SEPTIN6: variants seen among roughly 807,000 people sequenced by gnomAD.
SEPTIN6 encodes septin-6.
In SEPTIN6, 8 loss-of-function variants were observed where a neutral mutation model predicts 33.6. The observed-to-expected ratio is 0.24, with a 90% CI of 0.14 to 0.43. The LOEUF (loss-of-function observed/expected upper bound fraction) is 0.43. Ranked by LOEUF, SEPTIN6 falls within the 20% of genes least tolerant of loss-of-function variation. The probability of loss-of-function intolerance (pLI) is 1.00; values close to 1 mark genes in which losing one functional copy is unlikely to be tolerated. For synonymous variants in SEPTIN6, 131 were observed against 140.0 expected (o/e 0.94, Z 0.45); for missense variants, 250 against 340.8 (o/e 0.73, Z 2.10).
At position 119,672,492 on chromosome X, in the gene SEPTIN6, A is replaced by C. The variant is rs537211425; in HGVS notation, c.145+3062T>G. Among the ~76,000 whole-genome samples, 11 of 111,799 alleles carry C rather than the reference A, an allele frequency of 9.8e-5. 1 individual carries two copies. The highest frequency in any genetic ancestry group is 5.6e-4 in the East Asian group (2 of 3,581). On this transcript the variant is annotated intron_variant, in intron 2 of 10. Transcript: ENST00000394610. ...CCCTCAGAGATCCATTTCAATTCAC[A>C]TGGCCTCCCTCCTAAAGCTTTACTA...
At chrX:119,629,926 C>T (rs1028027697) in intron 8 of SEPTIN6, among the ~76,000 whole-genome samples, 3 of 111,361 alleles carry the variant, frequency 2.7e-5, no homozygotes, top group South Asian at 7.6e-4. Context: ...TCGACACCAG[C>T]CTGGCCAACA....
chrX:119,624,145 T>G (rs777169687), intron 10 of SEPTIN6: 40 of 51,423 alleles, frequency 7.8e-4, no homozygotes, highest in Admixed American at 3.7e-3. Context: ...TTATTATGGG[T>G]TTTTTTTTTT....
intron 1 of SEPTIN6, among the ~76,000 whole-genome samples, chrX:119,676,235 G>A (rs923485073): frequency 9.0e-6 from 1 of 111,563 alleles, no homozygotes; most frequent in Non-Finnish European, 1.9e-5. Context: ...GCCAAGGCGG[G>A]GGGGATCACT....
At chrX:119,690,458 C>T (rs1603353771) in intron 1 of SEPTIN6, among the ~76,000 whole-genome samples, 1 of 109,987 alleles carries the variant, frequency 9.1e-6, no homozygotes, top group East Asian at 2.8e-4. Context: ...GGAGCAGTGG[C>T]TCATGCCTGT....
rs6603539 is a variant in SEPTIN6 at position 119,649,918 on chromosome X, G to A, written c.690+19C>T. On this transcript the variant is annotated intron_variant, in intron 5 of 10. Transcript: ENST00000394610. ...AATCATCATAAAAAGCAAATGGTCA[G>A]GAAATTGCTCCCACTCACGTTCATG... is the stretch of plus-strand genomic sequence containing the variant. 184,846 of 1,196,978 alleles carry A rather than the reference G, an allele frequency of 0.15. 15,592 individuals are homozygous for A. The highest frequency in any genetic ancestry group is 0.63 in the African/African-American group (35,774 of 56,451).
Position 119,625,394 on chromosome X carries a change from G to A in SEPTIN6, c.1281-15C>T, listed in dbSNP as rs933123594. Reference sequence around the variant, plus strand: ...AGCAGAGTTAACTGTAAAACAGTAAGAGCTGATGAAGATGGAGTGAGCATG... The same window carrying A: ...AGCAGAGTTAACTGTAAAACAGTAAAAGCTGATGAAGATGGAGTGAGCATG... On this transcript the variant is annotated splice_polypyrimidine_tract_variant and intron_variant, in intron 9 of 10. Transcript: ENST00000394610. 8.3e-7 allele frequency: 1 copy of A among 1,199,308 alleles called. No individual in the cohort carries two copies. The highest frequency in any genetic ancestry group is 3.0e-5 in the East Asian group (1 of 33,739).
At chrX:119,656,881 G>A (rs949774890) in intron 3 of SEPTIN6, among the ~76,000 whole-genome samples, 11 of 108,223 alleles carry the variant, frequency 1.0e-4, no homozygotes, top group East Asian at 2.9e-4. Flanking sequence ...GTGAGACTCC[G>A]TCTCAAAAAA....
chrX:119,669,038 C>T (rs903564828), intron 2 of SEPTIN6, among the ~76,000 whole-genome samples: 1 of 111,774 alleles, frequency 8.9e-6, no homozygotes, highest in East Asian at 2.8e-4. Context: ...ATACAATGTT[C>T]GGTTTTCCAT....
At chrX:119,663,457 T>TTCCCCCCC in intron 3 of SEPTIN6, 25 bp downstream of exon 3, 2 of 408,402 alleles carry the variant, frequency 4.9e-6, no homozygotes. Context: ...CTCCCCACCC[T>TTCCCCCCC]ACCCCACCCC....
At chrX:119,667,429 C>T (rs2054661990) in intron 2 of SEPTIN6, among the ~76,000 whole-genome samples, 2 of 111,319 alleles carry the variant, frequency 1.8e-5, no homozygotes, top group African/African-American at 6.5e-5. Flanking sequence ...GGCACAAAAG[C>T]GCTGTGGAAA....
rs765918846 is a variant in SEPTIN6 at position 119,637,049 on chromosome X, C to T, written c.934G>A (p.Asp312Asn). The T allele has an allele frequency of 1.7e-6, 2 of 1,210,905 alleles. No homozygotes were observed. The highest frequency in any genetic ancestry group is 1.1e-6 in the Non-Finnish European group (1 of 895,242). Reference sequence around the variant, plus strand: ...TACCTGAAGGGTTTGCTGTCAGGGTCGGTGTCCTTGAAGCCCATCTCCTCC... The same window carrying T: ...TACCTGAAGGGTTTGCTGTCAGGGTTGGTGTCCTTGAAGCCCATCTCCTCC... The part of the protein sequence containing the change: ...KLEEMGFKDT[D>N]PDSKPFSLQE... The change falls in exon 7 of 11, where the codon GAC (aspartate) becomes AAC (asparagine). Residue 312 changes from aspartate to asparagine, a missense_variant. Coordinates refer to ENST00000394610, the MANE Select transcript of SEPTIN6 (RefSeq NM_145799.4).
chrX:119,664,446 T>C (rs1308964663), intron 2 of SEPTIN6, among the ~76,000 whole-genome samples: 1 of 111,849 alleles, frequency 8.9e-6, no homozygotes, highest in Non-Finnish European at 1.9e-5. Flanking sequence ...CCTTTCTTTA[T>C]GCTTTTTTAT....
intron 2 of SEPTIN6, among the ~76,000 whole-genome samples, chrX:119,673,650 TGAG>T (rs767246327): frequency 1.8e-5 from 2 of 109,423 alleles, no homozygotes; most frequent in East Asian, 5.7e-4. Flanking sequence ...GCGGATCACT[TGAG>T]GTCAGGAATT....
chrX:119,663,887 T>C (rs772327089), intron 2 of SEPTIN6, among the ~76,000 whole-genome samples: 2 of 111,969 alleles, frequency 1.8e-5, no homozygotes, highest in East Asian at 2.8e-4. Flanking sequence ...TCATCTCAGA[T>C]AGTAGAATTG....
At chrX:119,654,777 T>C (rs2054411923) in intron 3 of SEPTIN6, among the ~76,000 whole-genome samples, 1 of 111,376 alleles carries the variant, frequency 9.0e-6, no homozygotes, top group Non-Finnish European at 1.9e-5. Flanking sequence ...CTGCAACCTC[T>C]GCCTCCCAAG....
intron 4 of SEPTIN6, among the ~76,000 whole-genome samples, chrX:119,650,969 G>A (rs766860949): frequency 2.7e-5 from 3 of 111,504 alleles, no homozygotes; most frequent in African/African-American, 9.8e-5. Flanking sequence ...ATTCCTCCAA[G>A]AAGGGACAAG....
At chrX:119,667,162 T>TG (rs2054655277) in intron 2 of SEPTIN6, among the ~76,000 whole-genome samples, 1 of 108,159 alleles carries the variant, frequency 9.2e-6, no homozygotes, top group Admixed American at 9.9e-5. Flanking sequence ...TCCTAGGGAG[T>TG]GGGGGTCCTG....
intron 9 of SEPTIN6, 96 bp from the exon 10 acceptor site, chrX:119,625,475 G>C (rs2053844046): frequency 1.3e-6 from 1 of 782,278 alleles, no homozygotes; most frequent in African/African-American, 2.1e-5. Context: ...GAGGTCAAAG[G>C]TGATTAGGAG....
intron 3 of SEPTIN6, among the ~76,000 whole-genome samples, chrX:119,658,257 T>C (rs1435385669): frequency 2.7e-5 from 3 of 112,176 alleles, no homozygotes; most frequent in Non-Finnish European, 3.8e-5. Context: ...TGTGGTTTTA[T>C]TGGAGGGAGG....
Sources: allele counts gnomAD v4.1 joint callset (sites outside exome capture counted in the v4.1 genomes callset), GRCh38; gene constraint gnomAD v4.1.1; transcripts MANE v1.5; gene names NCBI Gene and HGNC (gene_info 2026-07-23, HGNC 2026-07-21).